PTPRD: variants seen among roughly 807,000 people sequenced by gnomAD.
PTPRD encodes protein tyrosine phosphatase receptor type D.
In PTPRD, 34 loss-of-function variants were observed where a neutral mutation model predicts 214.5. The ratio of observed to expected loss-of-function variants is 0.16; its 90% confidence interval spans 0.12 to 0.21. The LOEUF (loss-of-function observed/expected upper bound fraction) is 0.21, where lower values mean the gene tolerates loss of function less well. Ranked by LOEUF, PTPRD falls within the 10% of genes least tolerant of loss-of-function variation. PTPRD has a pLI of 1.00. For synonymous variants in PTPRD, 1,128 were observed against 845.7 expected, an observed-to-expected ratio of 1.33 and a Z score of -5.79; for missense variants, 2,545 against 2,398.7, an observed-to-expected ratio of 1.06 and a Z score of -1.27.
At chr9:9,171,683 G>GA (rs1157322773) in intron 10 of PTPRD, among the ~76,000 whole-genome samples, 14 of 151,632 alleles carry the variant, frequency 9.2e-5, no homozygotes, top group Admixed American at 7.2e-4. Context: ...TATTGATGAG[G>GA]AAAAAACTAC....
At chr9:9,685,978 A>C (rs2154400488) in intron 7 of PTPRD, among the ~76,000 whole-genome samples, 1 of 151,458 alleles carries the variant, frequency 6.6e-6, no homozygotes, top group South Asian at 2.1e-4. Context: ...AAGTATTGGT[A>C]ACTGAAAAAA....
intron 7 of PTPRD, among the ~76,000 whole-genome samples, chr9:9,710,975 C>CGTGT (rs35078738): frequency 2.5e-4 from 37 of 149,490 alleles, no homozygotes; most frequent in African/African-American, 4.6e-4. Flanking sequence ...CGAGAGAGAG[C>CGTGT]GTGTGTGTGT....
intron 2 of PTPRD, among the ~76,000 whole-genome samples, chr9:10,393,245 A>G (rs2098105553): frequency 6.6e-6 from 1 of 151,760 alleles, no homozygotes; most frequent in South Asian, 2.1e-4. Flanking sequence ...AATCACTAGT[A>G]AAAAATGTAC....
intron 7 of PTPRD, among the ~76,000 whole-genome samples, chr9:9,628,840 TCATAATA>T (rs1288243889): frequency 6.6e-6 from 1 of 151,802 alleles, no homozygotes; most frequent in East Asian, 1.9e-4. Context: ...ATCAAATATA[TCATAATA>T]CATATTTATA....
intron 5 of PTPRD, among the ~76,000 whole-genome samples, chr9:9,911,015 T>G (rs2079032588): frequency 6.6e-6 from 1 of 152,066 alleles, no homozygotes; most frequent in Non-Finnish European, 1.5e-5. Flanking sequence ...TATCTGGATT[T>G]GTCTTTTGGC....
intron 3 of PTPRD, among the ~76,000 whole-genome samples, chr9:10,255,866 T>C (rs2093221199): frequency 6.6e-6 from 1 of 152,172 alleles, no homozygotes; most frequent in Non-Finnish European, 1.5e-5. Flanking sequence ...ACACACATCG[T>C]AGCCTAGACC....
intron 11 of PTPRD, among the ~76,000 whole-genome samples, chr9:8,807,177 A>C (rs1287237653): frequency 1.3e-5 from 2 of 152,096 alleles, no homozygotes; most frequent in Non-Finnish European, 2.9e-5. Flanking sequence ...TTTCTAATAA[A>C]ATACAAAAAA....
At chr9:10,482,133 A>T (rs1004441482) in intron 2 of PTPRD, among the ~76,000 whole-genome samples, 15 of 152,174 alleles carry the variant, frequency 9.9e-5, no homozygotes, top group East Asian at 1.9e-4. Flanking sequence ...GCATTTTGGG[A>T]GGCCCAGGCG....
chr9:8,823,298 A>C (rs934509847), intron 11 of PTPRD, among the ~76,000 whole-genome samples: 1 of 152,110 alleles, frequency 6.6e-6, no homozygotes, highest in Non-Finnish European at 1.5e-5. Context: ...ACAAAGCTTT[A>C]ATTGCCATCT....
rs1390931411 is a variant in PTPRD, at chr9:9,452,993, G to T, written c.-236-55511C>A. Among the ~76,000 whole-genome samples the T allele has an allele frequency of 8.1e-5, 12 of 147,314 alleles. No individual in the cohort carries two copies. The South Asian group carries it at 2.1e-3, about 26-fold the overall frequency. ...TGATTTTTCTGTATACTTAAATTTT[G>T]TGTGACATTTAACTGAAGCCTATTT... is the stretch of plus-strand genomic sequence containing the variant. On this transcript the variant is annotated intron_variant, in intron 8 of 45. Coordinates refer to ENST00000381196, the MANE Select transcript of PTPRD (RefSeq NM_002839.4).
rs12346243 is a variant in PTPRD at position 8,386,558 on chromosome 9, A to G, written c.4386+2674T>C. On this transcript the variant is annotated intron_variant, in intron 37 of 45. Transcript: ENST00000381196. ...GTTACCTGGACTACCTCCCTTTATG[A>G]GGAAGACTGGTGCCACTTCCCTTCA... Among the ~76,000 whole-genome samples the G allele has an allele frequency of 9.9e-3, 1,513 of 152,228 alleles. 29 individuals carry two copies. Among genetic ancestry groups the G allele is most frequent in the African/African-American group, 0.035 (1,440 of 41,536 alleles).
intron 8 of PTPRD, among the ~76,000 whole-genome samples, chr9:9,504,692 T>C (rs1213130314): frequency 6.6e-6 from 1 of 151,600 alleles, no homozygotes; most frequent in Admixed American, 6.6e-5. Context: ...CATCCAAGTC[T>C]GAAAGGGAGA....
At chr9:9,831,006 T>G (rs2054646264) in intron 5 of PTPRD, among the ~76,000 whole-genome samples, 1 of 151,884 alleles carries the variant, frequency 6.6e-6, no homozygotes, top group Non-Finnish European at 1.5e-5. Context: ...GAATTTTCAT[T>G]AACAATTTAA....
At chr9:9,675,462 T>A (rs553870555) in intron 7 of PTPRD, among the ~76,000 whole-genome samples, 38 of 151,752 alleles carry the variant, frequency 2.5e-4, no homozygotes, top group African/African-American at 8.7e-4. Flanking sequence ...GCAAATTGTT[T>A]AAAAATATGA....
intron 11 of PTPRD, among the ~76,000 whole-genome samples, chr9:8,787,300 A>G (rs186750117): frequency 1.3e-5 from 2 of 152,284 alleles, no homozygotes; most frequent in African/African-American, 4.8e-5. Context: ...TAGTTACTCT[A>G]CTTGAGCAAC....
intron 11 of PTPRD, among the ~76,000 whole-genome samples, chr9:8,738,988 T>C (rs1178307042): frequency 5.3e-5 from 8 of 152,224 alleles, no homozygotes; most frequent in Non-Finnish European, 1.0e-4. Context: ...AAATTACTTC[T>C]TTTTATCTAC....
intron 9 of PTPRD, among the ~76,000 whole-genome samples, chr9:9,329,115 T>G (rs2041312946): frequency 6.6e-6 from 1 of 152,018 alleles, no homozygotes; most frequent in Non-Finnish European, 1.5e-5. Flanking sequence ...CAAAACCACC[T>G]CCAATTGTGC....
In PTPRD at chr9:9,538,964, T is replaced by C. The variant is rs560582640; in HGVS notation, c.-237+35768A>G. Among the ~76,000 whole-genome samples the C allele has an allele frequency of 2.0e-5, 3 of 151,988 alleles. No homozygotes were observed. In the East Asian group the frequency reaches 5.8e-4, roughly 30 times the overall value. On this transcript the variant is annotated intron_variant, in intron 8 of 45. Transcript: ENST00000381196. ...TACTTCCTAGTGCCAGACACTTTTC[T>C]AGGCTCTGATGATAGAGCAGTAAGT...
chr9:8,844,049 TTC>T lies in PTPRD; in HGVS notation c.-103-110105_-103-110104del, dbSNP rs555676538. 4.1e-3 allele frequency among the ~76,000 whole-genome samples: 619 copies of T among 152,294 alleles called. 14 individuals carry two copies. The highest frequency in any genetic ancestry group is 0.036 in the Admixed American group (555 of 15,284). ...ATTTTACAAGCAGAAATGTGTTTGG[TTC>T]TCTCTCATCCAGACGTATGGAAACA... On this transcript the variant is annotated intron_variant, in intron 11 of 45. Coordinates refer to ENST00000381196, the MANE Select transcript of PTPRD (RefSeq NM_002839.4).
Sources: gnomAD v4.1 joint callset for allele counts (sites outside exome capture counted in the v4.1 genomes callset) on GRCh38, gnomAD v4.1.1 for gene constraint, MANE v1.5 for transcripts, NCBI Gene and HGNC (gene_info 2026-07-23, HGNC 2026-07-21) for gene names.